The following ATRX variants were observed in gnomAD, a reference collection of about 807,000 sequenced individuals.
ATRX encodes the protein ATRX chromatin remodeler, also known as chromatin remodeler ATRX.
ATRX carries 12 observed loss-of-function variants against 172.6 expected under a neutral mutation model. The observed-to-expected ratio is 0.07, with a 90% CI of 0.04 to 0.11. ATRX has a LOEUF of 0.11. ATRX is among the 10% of genes least tolerant of loss of function. The pLI is 1.00. For missense variants in ATRX, 1,368 were observed against 1,767.4 expected (o/e 0.77, Z 4.05); for synonymous variants, 674 against 594.7 (o/e 1.13, Z -1.94).
At chrX:77,589,095 T>C (rs1414911305) in intron 27 of ATRX, among the ~76,000 whole-genome samples, 1 of 112,343 alleles carries the variant, frequency 8.9e-6, no homozygotes, top group Non-Finnish European at 1.9e-5. Flanking sequence ...AAAACCTGTG[T>C]AACAAATGTA....
rs782695563 is a variant in ATRX at position 77,703,786 on chromosome X, T to C, written c.134-5157A>G. On this transcript the variant is annotated intron_variant, in intron 2 of 34. Transcript: ENST00000373344. Reference sequence around the variant, plus strand: ...GTAAGCAAGATAAAGAGGGGCTTTATTGAGCAATAGAACAGCTCAGAGGAA... The same window carrying C: ...GTAAGCAAGATAAAGAGGGGCTTTACTGAGCAATAGAACAGCTCAGAGGAA... Among the ~76,000 whole-genome samples, 5 of 112,107 alleles carry C rather than the reference T, an allele frequency of 4.5e-5. No individual in the cohort carries two copies. The South Asian group carries it at 1.9e-3, about 42-fold the overall frequency.
At chrX:77,658,029 G>A (rs935246356) in intron 12 of ATRX, among the ~76,000 whole-genome samples, 2 of 110,102 alleles carry the variant, frequency 1.8e-5, no homozygotes, top group African/African-American at 3.3e-5. Context: ...GGCAACATAG[G>A]GAGATTCTGT....
At chrX:77,698,651 A>T (rs1419936947) in intron 2 of ATRX, 22 bp from the exon 3 acceptor site, 3 of 1,151,337 alleles carry the variant, frequency 2.6e-6, no homozygotes, top group Non-Finnish European at 3.6e-6. Flanking sequence ...GAAATAAAGA[A>T]CATTATTTAT....
intron 1 of ATRX, among the ~76,000 whole-genome samples, chrX:77,783,298 T>C (rs1441916246): frequency 5.4e-5 from 6 of 111,934 alleles, no homozygotes; most frequent in Non-Finnish European, 9.4e-5. Flanking sequence ...AAGTACTACA[T>C]TGAGAGCTTG....
intron 1 of ATRX, among the ~76,000 whole-genome samples, chrX:77,731,299 T>G (rs1441971255): frequency 8.9e-6 from 1 of 111,837 alleles, no homozygotes; most frequent in African/African-American, 3.2e-5. Context: ...ATCTGCAACC[T>G]GAACACAGCT....
chrX:77,740,600 G>A (rs1557181583), intron 1 of ATRX, among the ~76,000 whole-genome samples: 1 of 110,120 alleles, frequency 9.1e-6, no homozygotes, highest in Non-Finnish European at 1.9e-5. Context: ...GGAGGGCAAG[G>A]GCTAAGAAAC....
intron 15 of ATRX, among the ~76,000 whole-genome samples, chrX:77,640,883 G>A (rs782262838): frequency 1.4e-4 from 16 of 111,593 alleles, no homozygotes; most frequent in African/African-American, 4.9e-4. Context: ...ATGCACACAT[G>A]AGGAGTGAAA....
intron 1 of ATRX, among the ~76,000 whole-genome samples, chrX:77,757,841 T>G (rs2075564316): frequency 9.2e-6 from 1 of 108,698 alleles, no homozygotes; most frequent in Non-Finnish European, 1.9e-5. Context: ...TCAGCTAATT[T>G]TTGTATTTTT....
intron 30 of ATRX, among the ~76,000 whole-genome samples, chrX:77,534,893 C>T (rs1557047843): frequency 9.0e-6 from 1 of 110,883 alleles, no homozygotes; most frequent in Non-Finnish European, 1.9e-5. Flanking sequence ...CAAGGCTTTG[C>T]CTGGGGGTAA....
At chrX:77,660,567 A>C (rs2069825300) in intron 12 of ATRX, among the ~76,000 whole-genome samples, 1 of 109,587 alleles carries the variant, frequency 9.1e-6, no homozygotes, top group East Asian at 2.8e-4. Context: ...ACTCCGACTC[A>C]AAATAAATAA....
At chrX:77,676,769 A>T (rs1281537404) in intron 9 of ATRX, among the ~76,000 whole-genome samples, 3 of 112,613 alleles carry the variant, frequency 2.7e-5, no homozygotes, top group Non-Finnish European at 5.6e-5. Flanking sequence ...CCAGAGATAC[A>T]GTTCAGTACA....
chrX:77,565,374 C>G (rs1557063995), intron 28 of ATRX, among the ~76,000 whole-genome samples: 1 of 112,061 alleles, frequency 8.9e-6, no homozygotes, highest in African/African-American at 3.2e-5. Flanking sequence ...CCAGAAAAAT[C>G]TCAAGTTCAA....
chrX:77,578,929 T>C (rs2065728299), intron 27 of ATRX, among the ~76,000 whole-genome samples: 1 of 111,444 alleles, frequency 9.0e-6, no homozygotes, highest in African/African-American at 3.3e-5. Context: ...AGGGTGAGTC[T>C]CTGGCCTGGC....
intron 14 of ATRX, among the ~76,000 whole-genome samples, chrX:77,653,004 T>TAAAAAAAAAAAAAAAAAAAA (rs554448289): frequency 1.0e-4 from 7 of 68,987 alleles, no homozygotes; most frequent in African/African-American, 2.2e-4. Flanking sequence ...TGTTTCTTGT[T>TAAAAAAAAAAAAAAAAAAAA]AAAAAAAAAA....
chrX:77,646,661 C>T (rs1451902081), intron 15 of ATRX, among the ~76,000 whole-genome samples: 3 of 111,438 alleles, frequency 2.7e-5, no homozygotes, highest in East Asian at 5.6e-4. Flanking sequence ...GTGTTTCATG[C>T]CTTAATTCCA....
intron 2 of ATRX, among the ~76,000 whole-genome samples, chrX:77,709,226 C>G (rs1345631459): frequency 1.8e-5 from 2 of 111,896 alleles, no homozygotes; most frequent in Admixed American, 9.6e-5. Flanking sequence ...AGAGCAATAT[C>G]CTGTTTCTAT....
chrX:77,556,256 AGAGAGGGAGAGAGGGAGAGAGGG>A (rs2064786921), intron 30 of ATRX, among the ~76,000 whole-genome samples: 1 of 33,436 alleles, frequency 3.0e-5, no homozygotes, highest in African/African-American at 1.3e-4. Flanking sequence ...GGAGAGAGGG[AGAGAGGGAGAGAGGGAGAGAGGG>A]AGAGGGAGAG....
At chrX:77,716,375 G>T (rs1331676856) in intron 2 of ATRX, among the ~76,000 whole-genome samples, 1 of 91,906 alleles carries the variant, frequency 1.1e-5, no homozygotes, top group Non-Finnish European at 2.1e-5. Context: ...AGACAGGGAG[G>T]TAGAGAGGAG....
At chrX:77,744,851 C>A (rs1481638913) in intron 1 of ATRX, among the ~76,000 whole-genome samples, 1 of 110,038 alleles carries the variant, frequency 9.1e-6, no homozygotes, top group Non-Finnish European at 1.9e-5. Context: ...GCTGGGTTAG[C>A]CAGGCATGGT....
Sources: allele counts gnomAD v4.1 joint callset (sites outside exome capture counted in the v4.1 genomes callset), GRCh38; gene constraint gnomAD v4.1.1; transcripts MANE v1.5; gene names NCBI Gene and HGNC (gene_info 2026-07-23, HGNC 2026-07-21).